The following XKR4 variants were observed in gnomAD, a reference collection of about 807,000 sequenced individuals.
XKR4 encodes XK-related protein 4.
Under a neutral mutation model 53.9 loss-of-function variants are expected in XKR4, and 12 were observed. That is an observed-to-expected ratio of 0.22 (90% CI 0.14 to 0.36). The LOEUF is 0.36. XKR4 is among the 10% of genes least tolerant of loss of function. XKR4 has a pLI of 1.00. For synonymous variants in XKR4, 354 were observed against 362.4 expected, an observed-to-expected ratio of 0.98 and a Z score of 0.26; for missense variants, 799 against 859.5, an observed-to-expected ratio of 0.93 and a Z score of 0.88.
At chr8:55,193,638 A>G (rs1817470918) in intron 1 of XKR4, among the ~76,000 whole-genome samples, 1 of 152,202 alleles carries the variant, frequency 6.6e-6, no homozygotes, top group South Asian at 2.1e-4. Context: ...GGGGTTAACA[A>G]ATGCTGCTCA....
intron 1 of XKR4, among the ~76,000 whole-genome samples, chr8:55,259,829 C>G (rs1164867269): frequency 6.6e-6 from 1 of 151,840 alleles, no homozygotes; most frequent in Non-Finnish European, 1.5e-5. Context: ...CTTAATGAAT[C>G]TAATTTCCTT....
At chr8:55,354,687 G>T (rs557379979) in intron 1 of XKR4, among the ~76,000 whole-genome samples, 2 of 150,372 alleles carry the variant, frequency 1.3e-5, no homozygotes, top group African/African-American at 5.0e-5. Context: ...GAAAACTAAT[G>T]ATGTTTCTAT....
At chr8:55,267,180 G>A (rs982307351) in intron 1 of XKR4, among the ~76,000 whole-genome samples, 7 of 152,028 alleles carry the variant, frequency 4.6e-5, no homozygotes, top group African/African-American at 1.5e-4. Context: ...CTAATTCAGA[G>A]GCTTAGACAA....
intron 1 of XKR4, among the ~76,000 whole-genome samples, chr8:55,201,181 G>T (rs190288825): frequency 7.2e-5 from 11 of 152,294 alleles, no homozygotes; most frequent in African/African-American, 2.6e-4. Flanking sequence ...AAGCCTTGAA[G>T]AAATCAAGAT....
intron 1 of XKR4, among the ~76,000 whole-genome samples, chr8:55,111,780 C>T (rs1348061869): frequency 2.6e-5 from 4 of 152,104 alleles, no homozygotes; most frequent in East Asian, 1.9e-4. Flanking sequence ...AACAACGCTT[C>T]ACAGGCTTGA....
chr8:55,421,593 C>A (rs1309651357), intron 2 of XKR4, among the ~76,000 whole-genome samples: 1 of 152,184 alleles, frequency 6.6e-6, no homozygotes, highest in Non-Finnish European at 1.5e-5. Flanking sequence ...CATGCAATAA[C>A]AGTCATTGAA....
At chr8:55,438,630 G>C (rs958309956) in intron 2 of XKR4, among the ~76,000 whole-genome samples, 43 of 147,124 alleles carry the variant, frequency 2.9e-4, no homozygotes, top group African/African-American at 1.1e-3. Flanking sequence ...TATAAAAGAA[G>C]ATGCCAAGAA....
In XKR4 at chr8:55,228,264, A is replaced by G. The variant is rs546470403; in HGVS notation, c.806+124970A>G. Among the ~76,000 whole-genome samples, 4 of 152,324 alleles carry G rather than the reference A, an allele frequency of 2.6e-5. No homozygotes were observed. The East Asian group carries it at 5.8e-4, about 22-fold the overall frequency. On this transcript the variant is annotated intron_variant, in intron 1 of 2. Transcript: ENST00000327381. ...CCACGTGGGAACTGAGACCATCACA[A>G]TAGAGACAGAGGCATGCATAGCTTT... is the stretch of plus-strand genomic sequence containing the variant.
rs535724306 is a variant in XKR4 at position 55,211,264 on chromosome 8, A to C, written c.806+107970A>C. Among the ~76,000 whole-genome samples the C allele has an allele frequency of 1.9e-4, 29 of 152,336 alleles. 1 individual carries two copies. The highest frequency in any genetic ancestry group is 6.8e-3 in the Middle Eastern group (2 of 294). On this transcript the variant is annotated intron_variant, in intron 1 of 2. Coordinates refer to ENST00000327381, the MANE Select transcript of XKR4 (RefSeq NM_052898.2). ...CAAATATCATTTATAGTACATCTAC[A>C]TTTATTTACTCAGAAGCTTTAAGTA...
At chr8:55,513,063 C>A (rs1462406922) in intron 2 of XKR4, among the ~76,000 whole-genome samples, 1 of 152,220 alleles carries the variant, frequency 6.6e-6, no homozygotes, top group Non-Finnish European at 1.5e-5. Context: ...TCCTTAGTTT[C>A]ATTCACCCTG....
At chr8:55,271,950 T>C (rs536602741) in intron 1 of XKR4, among the ~76,000 whole-genome samples, 1 of 152,322 alleles carries the variant, frequency 6.6e-6, no homozygotes, top group South Asian at 2.1e-4. Context: ...ATGCTACAGA[T>C]TGTGGGTCAA....
chr8:55,367,622 T>C (rs2939680), intron 2 of XKR4, among the ~76,000 whole-genome samples: 13,896 of 152,220 alleles, frequency 0.091, 710 homozygotes, highest in South Asian at 0.12. Context: ...TTGCTCCAAA[T>C]CCACTCCAAA....
intron 2 of XKR4, among the ~76,000 whole-genome samples, chr8:55,435,568 T>A (rs1026373813): frequency 2.1e-5 from 3 of 143,712 alleles, no homozygotes; most frequent in Non-Finnish European, 4.6e-5. Flanking sequence ...TTTTTTATTT[T>A]TTTATTTTTT....
At chr8:55,458,291 C>A (rs559061190) in intron 2 of XKR4, among the ~76,000 whole-genome samples, 2 of 152,352 alleles carry the variant, frequency 1.3e-5, no homozygotes, top group Admixed American at 6.5e-5. Context: ...GCCCACAGGT[C>A]TCAACCCCTC....
chr8:55,271,421 G>A (rs1216069365), intron 1 of XKR4, among the ~76,000 whole-genome samples: 1 of 152,152 alleles, frequency 6.6e-6, no homozygotes, highest in East Asian at 1.9e-4. Context: ...TTTGTTTTGA[G>A]GATTTCGAAA....
At chr8:55,134,371 T>C (rs936015128) in intron 1 of XKR4, among the ~76,000 whole-genome samples, 6 of 152,214 alleles carry the variant, frequency 3.9e-5, no homozygotes, top group African/African-American at 1.4e-4. Context: ...GTATATAATT[T>C]GTGAGGGTAA....
At chr8:55,376,237 A>T (rs897089589) in intron 2 of XKR4, among the ~76,000 whole-genome samples, 3 of 152,164 alleles carry the variant, frequency 2.0e-5, no homozygotes, top group Non-Finnish European at 4.4e-5. Context: ...TCCTTTGGGT[A>T]TATACCTAGT....
chr8:55,514,056 A>C (rs751244378), intron 2 of XKR4, among the ~76,000 whole-genome samples: 3 of 152,194 alleles, frequency 2.0e-5, no homozygotes, highest in Non-Finnish European at 4.4e-5. Context: ...TGGCTGACAA[A>C]GCCCAAAATA....
At chr8:55,476,764 G>C (rs551855353) in intron 2 of XKR4, among the ~76,000 whole-genome samples, 3 of 152,196 alleles carry the variant, frequency 2.0e-5, no homozygotes, top group Admixed American at 2.0e-4. Flanking sequence ...TGGCTCAGAG[G>C]GTCCTATGCC....
Sources: gnomAD v4.1 joint callset for allele counts (sites outside exome capture counted in the v4.1 genomes callset) on GRCh38, gnomAD v4.1.1 for gene constraint, MANE v1.5 for transcripts, NCBI Gene and HGNC (gene_info 2026-07-23, HGNC 2026-07-21) for gene names.